The following ATF7IP variants were observed in gnomAD, a reference collection of about 807,000 sequenced individuals.
ATF7IP encodes activating transcription factor 7 interacting protein, also known as activating transcription factor 7-interacting protein 1.
In ATF7IP, 23 loss-of-function variants were observed where a neutral mutation model predicts 106.4. The ratio of observed to expected loss-of-function variants is 0.22; its 90% confidence interval spans 0.16 to 0.31. The LOEUF (loss-of-function observed/expected upper bound fraction) is 0.31. ATF7IP is among the 10% of genes least tolerant of loss of function. ATF7IP has a pLI of 1.00. For missense variants in ATF7IP, 1,334 were observed against 1,524.3 expected (o/e 0.88, Z 2.08); for synonymous variants, 542 against 539.0 (o/e 1.01, Z -0.08).
chr12:14,394,095 C>T (rs985409580), intron 1 of ATF7IP, among the ~76,000 whole-genome samples: 1 of 151,942 alleles, frequency 6.6e-6, no homozygotes, highest in African/African-American at 2.4e-5. Flanking sequence ...AATAGTGATA[C>T]CTGAAGGTAC....
chr12:14,473,441 G>A (rs966924321), intron 10 of ATF7IP, among the ~76,000 whole-genome samples: 2 of 151,628 alleles, frequency 1.3e-5, no homozygotes, highest in Admixed American at 1.3e-4. Flanking sequence ...TAAATATGAC[G>A]TTCATGTTTT....
chr12:14,433,116 C>A (rs751175825), intron 2 of ATF7IP, among the ~76,000 whole-genome samples: 1 of 152,134 alleles, frequency 6.6e-6, no homozygotes, highest in Non-Finnish European at 1.5e-5. Flanking sequence ...CGCCTGTAAT[C>A]CCAGCACTTT....
chr12:14,385,288 T>G, intron 1 of ATF7IP: 1 of 1,042,390 alleles, frequency 9.6e-7, no homozygotes. Context: ...ATTACACTTT[T>G]GTGCAACTGA....
intron 10 of ATF7IP, among the ~76,000 whole-genome samples, chr12:14,467,237 T>C (rs1396005968): frequency 6.6e-6 from 1 of 152,142 alleles, no homozygotes; most frequent in Non-Finnish European, 1.5e-5. Context: ...TTCCTTTGAA[T>C]CATTTCAAGG....
At chr12:14,487,326 CCTT>C (rs1249568234) in intron 13 of ATF7IP, among the ~76,000 whole-genome samples, 1 of 151,470 alleles carries the variant, frequency 6.6e-6, no homozygotes, top group Non-Finnish European at 1.5e-5. Context: ...TAGCATACCT[CCTT>C]ATAGGTCACA....
intron 5 of ATF7IP, among the ~76,000 whole-genome samples, chr12:14,445,244 C>A (rs543165623): frequency 4.1e-4 from 62 of 152,124 alleles, no homozygotes; most frequent in Admixed American, 6.5e-5. Context: ...CTGTCTCAGC[C>A]TCCCAAAGTA....
intron 13 of ATF7IP, among the ~76,000 whole-genome samples, chr12:14,493,207 A>G (rs1280950506): frequency 6.6e-6 from 1 of 152,146 alleles, no homozygotes; most frequent in African/African-American, 2.4e-5. Flanking sequence ...GCCTGATCCA[A>G]CTTTGTTCCT....
chr12:14,467,358 T>A (rs1391798271), intron 10 of ATF7IP, among the ~76,000 whole-genome samples: 1 of 152,178 alleles, frequency 6.6e-6, no homozygotes, highest in Non-Finnish European at 1.5e-5. Flanking sequence ...CTATTTTCTT[T>A]AAAAACGATG....
intron 1 of ATF7IP, among the ~76,000 whole-genome samples, chr12:14,374,646 G>A (rs1354124193): frequency 6.6e-6 from 1 of 152,104 alleles, no homozygotes; most frequent in Non-Finnish European, 1.5e-5. Flanking sequence ...GAATGAATTA[G>A]ACAGATAATA....
At chr12:14,388,296 C>T (rs1402268649) in intron 1 of ATF7IP, among the ~76,000 whole-genome samples, 4 of 150,290 alleles carry the variant, frequency 2.7e-5, no homozygotes, top group African/African-American at 4.9e-5. Flanking sequence ...GTGATCTGCC[C>T]GCCTTGGCCT....
In ATF7IP at chr12:14,436,222, A is replaced by C; in HGVS notation, c.1762A>C (p.Lys588Gln). Reference protein sequence around the residue: ...EAEFQVKITAKGDINQKLQKV... With the variant: ...EAEFQVKITAQGDINQKLQKV... Reference sequence around the variant, plus strand: ...AGAATTTCAAGTAAAGATTACAGCCAAAGGAGACATTAACCAGAAACTTCA... The same window carrying C: ...AGAATTTCAAGTAAAGATTACAGCCCAAGGAGACATTAACCAGAAACTTCA... The change falls in exon 4 of 15, where the codon AAA becomes CAA. Residue 588 changes from lysine (K) to glutamine (Q), a missense_variant. Lys to Gln is a moderately conservative substitution (Grantham distance 53). Coordinates refer to ENST00000261168, the MANE Select transcript of ATF7IP (RefSeq NM_018179.5). 2 of 1,613,518 alleles carry C rather than the reference A, an allele frequency of 1.2e-6. No homozygotes were observed. Among genetic ancestry groups the C allele is most frequent in the Non-Finnish European group, 8.5e-7 (1 of 1,179,688 alleles).
intron 1 of ATF7IP, among the ~76,000 whole-genome samples, chr12:14,404,701 T>C (rs1940458858): frequency 6.6e-6 from 1 of 152,156 alleles, no homozygotes; most frequent in South Asian, 2.1e-4. Flanking sequence ...TTACACAAAA[T>C]TTAAATTCTG....
chr12:14,377,357 A>ATT lies in ATF7IP; in HGVS notation c.-8+11545_-8+11546dup, dbSNP rs748791843. 5.3e-3 allele frequency among the ~76,000 whole-genome samples: 598 copies of ATT among 112,694 alleles called. 2 individuals carry two copies. Among genetic ancestry groups the ATT allele is most frequent in the African/African-American group, 0.018 (553 of 31,102 alleles). The allele number at this position is 112,694 out of a possible 152,430, so 73.9% of individuals were successfully genotyped here. A position where few individuals can be genotyped will look rare whatever the true frequency, so the allele number is the denominator to read the frequency against. ...TACGGTTACAAATTTGATTTATCCA[A>ATT]TTTTTTTTTTTTTTTTGAGACGTTG... On this transcript the variant is annotated intron_variant, in intron 1 of 14. Coordinates refer to ENST00000261168, the MANE Select transcript of ATF7IP (RefSeq NM_018179.5).
rs1945184850 is a variant in ATF7IP at position 14,502,439 on chromosome 12, T to A, written c.*4366T>A. The A allele has an allele frequency of 6.6e-6, 1 of 152,166 alleles. No homozygotes were observed. The allele number at this position is 152,166 out of a possible 1,614,324, so 9.4% of individuals were successfully genotyped here. Reference sequence around the variant, plus strand: ...CTCATTTTCAAATAATTTACCATGTTAAAATAAACTTTTCTTTGTTTTTTA... The same window carrying A: ...CTCATTTTCAAATAATTTACCATGTAAAAATAAACTTTTCTTTGTTTTTTA... On this transcript the variant is annotated 3_prime_UTR_variant, in exon 15 of 15. Transcript: ENST00000261168.
At chr12:14,400,958 A>G (rs1378907277) in intron 1 of ATF7IP, among the ~76,000 whole-genome samples, 4 of 151,364 alleles carry the variant, frequency 2.6e-5, no homozygotes, top group Non-Finnish European at 5.9e-5. Flanking sequence ...TTTTTTTCCA[A>G]CTGTTTGTCC....
intron 13 of ATF7IP, among the ~76,000 whole-genome samples, chr12:14,486,955 C>T (rs1245170189): frequency 6.6e-6 from 1 of 152,160 alleles, no homozygotes; most frequent in Non-Finnish European, 1.5e-5. Context: ...ACCCTCCCAG[C>T]TGGGATGACT....
At chr12:14,457,440 T>TGGTGG in intron 8 of ATF7IP, 145 bp downstream of exon 8, 2 of 627,650 alleles carry the variant, frequency 3.2e-6, no homozygotes, top group Non-Finnish European at 5.4e-6. Context: ...AAATTCAGGA[T>TGGTGG]CAAACTGGGT....
chr12:14,455,364 T>C (rs1345964831), intron 6 of ATF7IP, among the ~76,000 whole-genome samples: 1 of 152,152 alleles, frequency 6.6e-6, no homozygotes, highest in Non-Finnish European at 1.5e-5. Flanking sequence ...CAGATTGTCT[T>C]AATTCTATTG....
In ATF7IP at chr12:14,427,514, C is replaced by T. The variant is rs562795622; in HGVS notation, c.1558+2041C>T. On this transcript the variant is annotated intron_variant, in intron 2 of 14. Transcript: ENST00000261168. ...CTGCGTAGCTGGGATTATAGGTGCGCGACACCACGCCTGGCTAATTTTTGT... is the reference window on the plus strand; with the variant it reads ...CTGCGTAGCTGGGATTATAGGTGCGTGACACCACGCCTGGCTAATTTTTGT... Among the ~76,000 whole-genome samples the T allele has an allele frequency of 4.8e-4, 73 of 152,162 alleles. 1 individual carries two copies. In the South Asian group the frequency reaches 0.011, roughly 24 times the overall value.
Sources: allele counts gnomAD v4.1 joint callset (sites outside exome capture counted in the v4.1 genomes callset), GRCh38; gene constraint gnomAD v4.1.1; transcripts MANE v1.5; gene names NCBI Gene and HGNC (gene_info 2026-07-23, HGNC 2026-07-21).